CALHM4: variants seen among roughly 807,000 people sequenced by gnomAD.
CALHM4 encodes calcium homeostasis modulator protein 4.
CALHM4 carries 16 observed loss-of-function variants against 13.3 expected under a neutral mutation model. The ratio of observed to expected loss-of-function variants is 1.20; its 90% CI spans 0.81 to 1.82. The LOEUF is 1.82. CALHM4 is among the 40% of genes most tolerant of loss of function. The pLI is 0.00. For missense variants in CALHM4, 344 were observed against 374.9 expected, an observed-to-expected ratio of 0.92 and a Z score of 0.68; for synonymous variants, 127 against 137.1, an observed-to-expected ratio of 0.93 and a Z score of 0.52.
At chr6:116,536,695 T>G (rs1387317261) in intron 1 of CALHM4, among the ~76,000 whole-genome samples, 3 of 152,162 alleles carry the variant, frequency 2.0e-5, no homozygotes, top group Admixed American at 6.5e-5. Context: ...GCTCAGTACT[T>G]GAGACGGATG....
At chr6:116,530,305 C>G (rs1459452129) in intron 1 of CALHM4, among the ~76,000 whole-genome samples, 1 of 152,142 alleles carries the variant, frequency 6.6e-6, no homozygotes, top group Admixed American at 6.5e-5. Flanking sequence ...TTCATTTCAT[C>G]TGGGCACTTT....
chr6:116,531,251 G>A (rs1772704568), intron 1 of CALHM4, among the ~76,000 whole-genome samples: 1 of 151,934 alleles, frequency 6.6e-6, no homozygotes, highest in Admixed American at 6.6e-5. Context: ...CTTTAAATAT[G>A]AAACACATAG....
At chr6:116,533,173 C>T (rs1028287529) in intron 1 of CALHM4, among the ~76,000 whole-genome samples, 1 of 152,148 alleles carries the variant, frequency 6.6e-6, no homozygotes, top group Non-Finnish European at 1.5e-5. Flanking sequence ...GCCACAGTGT[C>T]ATTTAACAGC....
At chr6:116,532,398 G>C (rs536909878) in intron 1 of CALHM4, among the ~76,000 whole-genome samples, 4 of 152,052 alleles carry the variant, frequency 2.6e-5, no homozygotes, top group Non-Finnish European at 5.9e-5. Flanking sequence ...CACCGCGCCC[G>C]GCCGGTTTTT....
At chr6:116,532,366 A>C (rs1252049734) in intron 1 of CALHM4, among the ~76,000 whole-genome samples, 2 of 152,056 alleles carry the variant, frequency 1.3e-5, no homozygotes, top group Non-Finnish European at 1.5e-5. Context: ...CCTCCCTGAG[A>C]GAGGGAATTA....
chr6:116,550,015 TATATATATATACAC>T (rs1427256992), upstream of CALHM4, among the ~76,000 whole-genome samples: 42 of 70,674 alleles, frequency 5.9e-4, no homozygotes, highest in Admixed American at 1.4e-3. Context: ...TATATATATA[TATATATATATACAC>T]ACACACACAC....
rs549727510 is a variant in CALHM4 at position 116,554,099 on chromosome 6, T to C, written c.306T>C (p.Leu102=). 6.4e-7 allele frequency: 1 copy of C among 1,550,622 alleles called. No individual in the cohort carries two copies. The highest frequency in any genetic ancestry group is 2.0e-5 in the Admixed American group (1 of 51,002). ...CCCTAGAGTGCAAGCTGGCTTGCCT[T>C]AGGTTCTTCAGCATCACTGGGAGGG... The part of the protein sequence containing the change: ...ISPLECKLAC[L]RFFSITGRAV... The change falls in exon 1 of 2, where the codon CTT becomes CTC. Residue 102 remains leucine (L), a synonymous_variant. Transcript: ENST00000368596.
At chr6:116,538,171 T>C (rs572336963) in intron 1 of CALHM4, among the ~76,000 whole-genome samples, 1 of 152,348 alleles carries the variant, frequency 6.6e-6, no homozygotes, top group African/African-American at 2.4e-5. Context: ...CTCTTCTGAG[T>C]CTCTTCAGAA....
intron 1 of CALHM4, among the ~76,000 whole-genome samples, chr6:116,532,734 C>T (rs1193406401): frequency 6.6e-6 from 1 of 152,176 alleles, no homozygotes; most frequent in East Asian, 1.9e-4. Context: ...GGAAGATCAA[C>T]AGGCACAAAA....
intron 1 of CALHM4, among the ~76,000 whole-genome samples, chr6:116,536,471 G>A (rs1562350990): frequency 6.6e-6 from 1 of 152,294 alleles, no homozygotes; most frequent in East Asian, 1.9e-4. Flanking sequence ...TCCTTCTCTC[G>A]CAAAGGCAGA....
At chr6:116,546,611 C>G (rs1286827953) in intron 2 of CALHM4, among the ~76,000 whole-genome samples, 1 of 152,160 alleles carries the variant, frequency 6.6e-6, no homozygotes, top group African/African-American at 2.4e-5. Flanking sequence ...ATTGGGCAAG[C>G]CATTTTATTG....
chr6:116,545,588 T>A, intron 2 of CALHM4: 1 of 1,376,076 alleles, frequency 7.3e-7, no homozygotes, highest in Non-Finnish European at 1.0e-6. Flanking sequence ...TATCAGTCCA[T>A]GTCTTTTTGT....
rs559489342 is a variant in CALHM4 at position 116,531,791 on chromosome 6, C to G, written c.-109+2601C>G. Among the ~76,000 whole-genome samples the G allele has an allele frequency of 1.7e-4, 26 of 151,800 alleles. No individual in the cohort carries two copies. The South Asian group carries it at 5.4e-3, about 31-fold the overall frequency. On this transcript the variant is annotated intron_variant, in intron 1 of 2. Transcript: ENST00000368597. ...TCAGAGTAGCAGAATGAATATCCCT[C>G]TTCTGAAACCTTCTACACTCATATA...
intron 1 of CALHM4, among the ~76,000 whole-genome samples, chr6:116,530,428 G>GA (rs1175419396): frequency 6.6e-6 from 1 of 152,094 alleles, no homozygotes; most frequent in Non-Finnish European, 1.5e-5. Flanking sequence ...AGTAACAAAA[G>GA]AAAAAGCCCC....
rs115748025 is a variant in CALHM4, at chr6:116,545,502, C to T, written c.-1+1630C>T. 176 of 1,547,800 alleles carry T rather than the reference C, an allele frequency of 1.1e-4. No individual in the cohort carries two copies. In the African/African-American group the frequency reaches 2.1e-3, roughly 18 times the overall value. ...TTATGGTATTCTGGTCTTCGGTGTG[C>T]AGGGCGAGACATAGTGCTTGATAGA... On this transcript the variant is annotated intron_variant, in intron 2 of 2. Coordinates refer to the CALHM4 transcript ENST00000368597.
At chr6:116,540,234 A>G in intron 1 of CALHM4, 1 of 837,416 alleles carries the variant, frequency 1.2e-6, no homozygotes, top group South Asian at 1.8e-5. Flanking sequence ...CTTTTCAATC[A>G]GAATCTCCTT....
At chr6:116,538,555 A>G (rs186483313) in intron 1 of CALHM4, among the ~76,000 whole-genome samples, 15 of 152,306 alleles carry the variant, frequency 9.8e-5, no homozygotes, top group African/African-American at 3.6e-4. Context: ...ATGCTAACAT[A>G]TCTTTAGAAT....
chr6:116,549,714 G>A (rs767203942), upstream of CALHM4, among the ~76,000 whole-genome samples: 6 of 151,484 alleles, frequency 4.0e-5, no homozygotes, highest in Non-Finnish European at 8.8e-5. Flanking sequence ...GGTGGCTCAC[G>A]CCTGTAATCC....
chr6:116,553,439 A>G (rs1774167825), upstream of CALHM4, among the ~76,000 whole-genome samples: 4 of 152,194 alleles, frequency 2.6e-5, no homozygotes, highest in African/African-American at 7.2e-5. Context: ...TTTGCTTTCA[A>G]TGCTCTATTT....
Sources: gnomAD v4.1 joint callset for allele counts (sites outside exome capture counted in the v4.1 genomes callset) on GRCh38, gnomAD v4.1.1 for gene constraint, MANE v1.5 for transcripts, NCBI Gene and HGNC (gene_info 2026-07-23, HGNC 2026-07-21) for gene names.